Variants in RPTOR observed in about 807,000 individuals in gnomAD.
The protein encoded by RPTOR is regulatory associated protein of MTOR complex 1, also known as regulatory-associated protein of mTOR.
RPTOR carries 21 observed loss-of-function variants against 169.9 expected under a neutral mutation model. The ratio of observed to expected loss-of-function variants is 0.12; its 90% confidence interval spans 0.09 to 0.18. The LOEUF (loss-of-function observed/expected upper bound fraction) is 0.18, where lower values mean the gene tolerates loss of function less well. Among genes scored for constraint, RPTOR ranks in the 10% least tolerant of loss-of-function variants. The pLI is 1.00. For missense variants in RPTOR, 1,133 were observed against 1,855.9 expected (o/e 0.61, Z 7.16); for synonymous variants, 732 against 753.2 (o/e 0.97, Z 0.46).
Position 80,945,717 on chromosome 17 carries a change from C to G in RPTOR, c.3076C>G (p.Pro1026Ala). Residue 1026 changes from proline (P) to alanine (A), a missense_variant, in exon 26 of 34, where the codon CCC becomes GCC. Coordinates refer to ENST00000306801, the MANE Select transcript of RPTOR (RefSeq NM_020761.3). Reference protein sequence around the residue: ...QIFLNRNPGVPSVVKFHPFTP... With the variant: ...QIFLNRNPGVASVVKFHPFTP... ...ATTTCTGAACAGGAACCCCGGCGTC[C>G]CCTCTGTGGTGAAATTCCACCCCTT... The G allele has an allele frequency of 1.2e-6, 2 of 1,611,912 alleles. No individual in the cohort carries two copies. The highest frequency in any genetic ancestry group is 8.5e-7 in the Non-Finnish European group (1 of 1,179,246).
chr17:80,861,171 G>A lies in RPTOR; in HGVS notation c.1509+3271G>A, dbSNP rs555118646. ...TGAGTTTGATCCCATCACCGCATTT[G>A]CTCTTACAAGTCATTTTCACTTCCC... is the stretch of plus-strand genomic sequence containing the variant. On this transcript the variant is annotated intron_variant, in intron 13 of 33. Coordinates refer to ENST00000306801, the MANE Select transcript of RPTOR (RefSeq NM_020761.3). This position sits in a 1 kb window ranked among gnomAD's most constrained non-coding sequence, Gnocchi z 4.5. Among the ~76,000 whole-genome samples, 134 of 145,166 alleles carry A rather than the reference G, an allele frequency of 9.2e-4. 8 individuals carry two copies. Among genetic ancestry groups the A allele is most frequent in the African/African-American group, 3.2e-3 (130 of 41,078 alleles).
intron 2 of RPTOR, among the ~76,000 whole-genome samples, chr17:80,641,775 G>A (rs748228136): frequency 1.2e-4 from 18 of 152,332 alleles, no homozygotes; most frequent in South Asian, 6.2e-4. Flanking sequence ...GCTGACGGAG[G>A]GTCCTGCCTC....
rs555426915 is a variant in RPTOR, at chr17:80,574,827, A to ATTTT, written c.162+29050_162+29053dup. 6.9e-3 allele frequency among the ~76,000 whole-genome samples: 837 copies of ATTTT among 121,406 alleles called. 23 individuals carry two copies. Among genetic ancestry groups the ATTTT allele is most frequent in the African/African-American group, 0.025 (786 of 32,078 alleles). 79.6% of individuals were successfully genotyped at this position (121,406 alleles called of 152,430 possible). A position where few individuals can be genotyped will look rare whatever the true frequency, so the allele number is the denominator to read the frequency against. On this transcript the variant is annotated intron_variant, in intron 1 of 33. Coordinates refer to ENST00000306801, the MANE Select transcript of RPTOR (RefSeq NM_020761.3). ...TGTGCCACCAAGCCCAGCTTATTTA[A>ATTTT]TTTTTTTTTTTTTTTTTGTAGAGAC...
At chr17:80,677,879 A>G (rs1238205048) in intron 3 of RPTOR, among the ~76,000 whole-genome samples, 1 of 152,188 alleles carries the variant, frequency 6.6e-6, no homozygotes, top group Non-Finnish European at 1.5e-5. Context: ...TGGTAGCAGG[A>G]TTGATATCAG....
rs1429511398 is a variant in RPTOR, at chr17:80,962,562, C to G, written c.3794C>G (p.Ala1265Gly). ...ACGGCCCTGGACATCCACCCCCAGG[C>G]GGACCTGATCGCATGGTAGGCGCCA... ...GLTALDIHPQ[A>G]DLIACGSVNQ... The change falls in exon 32 of 34, where the codon GCG (alanine) becomes GGG (glycine). Residue 1265 changes from alanine to glycine, a missense_variant. Around this residue, in one of 9 missense-constraint regions of RPTOR, gnomAD observed 410 missense variants for 623.7 expected, o/e 0.66. Transcript: ENST00000306801. 1 of 1,613,240 alleles carries G rather than the reference C, an allele frequency of 6.2e-7. No homozygotes were observed. Among genetic ancestry groups the G allele is most frequent in the East Asian group, 2.2e-5 (1 of 44,886 alleles).
At chr17:80,795,381 G>A (rs2067091083) in intron 7 of RPTOR, among the ~76,000 whole-genome samples, 1 of 152,172 alleles carries the variant, frequency 6.6e-6, no homozygotes, top group African/African-American at 2.4e-5. Context: ...CACGATGTTA[G>A]CGTTTGCAGC....
chr17:80,605,155 C>A (rs2065219635), intron 1 of RPTOR, among the ~76,000 whole-genome samples: 1 of 152,130 alleles, frequency 6.6e-6, no homozygotes, highest in Admixed American at 6.5e-5. Flanking sequence ...ACTCAGATGC[C>A]CTGGGGCTCG....
At chr17:80,643,652 G>A (rs148351185) in intron 2 of RPTOR, 76 bp from the exon 3 acceptor site, 3 of 1,091,252 alleles carry the variant, frequency 2.7e-6, no homozygotes, top group African/African-American at 3.1e-5. Context: ...TATATAAGGA[G>A]AAACTGTGGA....
chr17:80,891,095 T>C (rs1337133968), intron 17 of RPTOR, among the ~76,000 whole-genome samples: 2 of 152,216 alleles, frequency 1.3e-5, no homozygotes, highest in Non-Finnish European at 2.9e-5. Context: ...TCTCCAGCTG[T>C]TCCTGTCACA....
chr17:80,560,971 G>A (rs965053943), intron 1 of RPTOR, among the ~76,000 whole-genome samples: 1 of 152,176 alleles, frequency 6.6e-6, no homozygotes, highest in Admixed American at 6.5e-5. Context: ...GGACAGGACA[G>A]ATCCTGACCG....
chr17:80,855,824 G>A (rs1430711799), intron 12 of RPTOR, among the ~76,000 whole-genome samples: 1 of 152,100 alleles, frequency 6.6e-6, no homozygotes, highest in Non-Finnish European at 1.5e-5. Context: ...TGTGTTGTCG[G>A]CCGGTCACCT....
At chr17:80,588,326 C>A (rs2065079300) in intron 1 of RPTOR, among the ~76,000 whole-genome samples, 1 of 152,062 alleles carries the variant, frequency 6.6e-6, no homozygotes. Context: ...CCACGCCTGG[C>A]TAATTTTTGT....
chr17:80,621,126 G>T (rs2065350860), intron 1 of RPTOR, among the ~76,000 whole-genome samples: 2 of 152,248 alleles, frequency 1.3e-5, no homozygotes, highest in South Asian at 4.1e-4. Flanking sequence ...CCTATTGCTG[G>T]CCTGTAAAGA....
chr17:80,874,559 C>T (rs1282509651), intron 13 of RPTOR, among the ~76,000 whole-genome samples: 5 of 152,120 alleles, frequency 3.3e-5, no homozygotes, highest in Non-Finnish European at 4.4e-5. Flanking sequence ...GTGGGGAATA[C>T]ACTGTGCCTG....
At chr17:80,582,591 G>T (rs766425700) in intron 1 of RPTOR, among the ~76,000 whole-genome samples, 1 of 144,662 alleles carries the variant, frequency 6.9e-6, no homozygotes, top group Non-Finnish European at 1.5e-5. Context: ...TGTTGCCCAG[G>T]CTGGAGTGCA....
intron 20 of RPTOR, among the ~76,000 whole-genome samples, chr17:80,902,067 CTTGT>C (rs1181068580): frequency 6.6e-6 from 1 of 152,136 alleles, no homozygotes; most frequent in Non-Finnish European, 1.5e-5. Context: ...CTCCATCCTG[CTTGT>C]TTCTCACTCA....
intron 1 of RPTOR, among the ~76,000 whole-genome samples, chr17:80,615,900 A>C (rs1381535264): frequency 1.3e-5 from 2 of 152,100 alleles, no homozygotes; most frequent in African/African-American, 2.4e-5. Flanking sequence ...TGTTATTGGA[A>C]TCCACCTCCC....
intron 5 of RPTOR, among the ~76,000 whole-genome samples, chr17:80,753,587 C>A (rs923759568): frequency 6.9e-6 from 1 of 144,428 alleles, no homozygotes; most frequent in Non-Finnish European, 1.5e-5. Flanking sequence ...GAGTCGAGAT[C>A]GCGCCACTGC....
intron 1 of RPTOR, among the ~76,000 whole-genome samples, chr17:80,623,791 C>T (rs554424010): frequency 2.0e-5 from 3 of 152,314 alleles, no homozygotes; most frequent in African/African-American, 7.2e-5. Flanking sequence ...CCGCCTTGGC[C>T]TCCCAAAGTG....
Sources: gnomAD v4.1 joint callset for allele counts (sites outside exome capture counted in the v4.1 genomes callset) on GRCh38, gnomAD v4.1.1 for gene constraint, gnomAD v4.1.1 regional missense constraint, Gnocchi (gnomAD v3.1) non-coding constraint, MANE v1.5 for transcripts, NCBI Gene and HGNC (gene_info 2026-07-23, HGNC 2026-07-21) for gene names.